Variants in KSR1 observed in about 807,000 individuals in gnomAD.
The protein encoded by KSR1 is kinase suppressor of ras.
A neutral mutation model predicts 92.9 loss-of-function variants in KSR1; 35 were observed. The ratio of observed to expected loss-of-function variants is 0.38; its 90% confidence interval spans 0.29 to 0.50. The LOEUF (loss-of-function observed/expected upper bound fraction) is 0.50. KSR1 is among the 20% of genes least tolerant of loss of function. The pLI is 0.94. For synonymous variants in KSR1, 467 were observed against 472.6 expected (o/e 0.99, Z 0.15); for missense variants, 972 against 1,158.5 (o/e 0.84, Z 2.34).
chr17:27,522,112 G>T (rs1276404480), intron 1 of KSR1, among the ~76,000 whole-genome samples: 3 of 152,180 alleles, frequency 2.0e-5, no homozygotes, highest in Non-Finnish European at 4.4e-5. Flanking sequence ...TTCAATAAAT[G>T]TTGTGGAGTG....
chr17:27,610,893 C>G (rs2073895886), intron 17 of KSR1, among the ~76,000 whole-genome samples: 1 of 152,110 alleles, frequency 6.6e-6, no homozygotes, highest in Admixed American at 6.6e-5. Context: ...CACTCAGTAG[C>G]CCCCCTGTGG....
intron 1 of KSR1, among the ~76,000 whole-genome samples, chr17:27,535,233 G>A (rs536382942): frequency 3.9e-5 from 6 of 152,220 alleles, no homozygotes; most frequent in Non-Finnish European, 8.8e-5. Context: ...TTACCCCTGA[G>A]CCTTGGTTTG....
chr17:27,499,307 CT>C (rs1371043538), intron 1 of KSR1, among the ~76,000 whole-genome samples: 3 of 152,122 alleles, frequency 2.0e-5, no homozygotes, highest in Non-Finnish European at 4.4e-5. Flanking sequence ...AAGTCCACCC[CT>C]AGGACTTATT....
At chr17:27,457,229 G>C (rs1021920664) in intron 1 of KSR1, among the ~76,000 whole-genome samples, 14 of 151,854 alleles carry the variant, frequency 9.2e-5, no homozygotes, top group Non-Finnish European at 1.0e-4. Context: ...ACTTTTCCCC[G>C]TGTGACTGAG....
intron 2 of KSR1, among the ~76,000 whole-genome samples, chr17:27,572,894 G>A (rs922627324): frequency 6.6e-6 from 1 of 152,156 alleles, no homozygotes; most frequent in African/African-American, 2.4e-5. Context: ...TCACAGCCAC[G>A]CGACCGTCCT....
chr17:27,609,131 A>T lies in KSR1; in HGVS notation c.2092-65A>T. ...TCAAATATGGGGATTTAGGTAAATC[A>T]TCCAGCCCAGGGTGGCACCTCCGTC... On this transcript the variant is annotated intron_variant, in intron 15 of 20. Coordinates refer to ENST00000644974, the MANE Select transcript of KSR1 (RefSeq NM_001394583.1). The T allele has an allele frequency of 2.6e-6, 4 of 1,540,494 alleles. No homozygotes were observed. The South Asian group carries it at 4.8e-5, about 18-fold the overall frequency.
intron 1 of KSR1, among the ~76,000 whole-genome samples, chr17:27,542,063 A>C (rs1470332120): frequency 6.6e-6 from 1 of 152,138 alleles, no homozygotes; most frequent in East Asian, 1.9e-4. Flanking sequence ...TTGTGGAGGG[A>C]ATGATGTGCT....
chr17:27,599,387 A>G (rs1413082204), intron 10 of KSR1, among the ~76,000 whole-genome samples: 2 of 152,136 alleles, frequency 1.3e-5, no homozygotes, highest in African/African-American at 4.8e-5. Flanking sequence ...GTGAAACCCC[A>G]TCTCTACTAA....
intron 5 of KSR1, chr17:27,585,883 C>G (rs2072949128): frequency 1.7e-6 from 1 of 602,032 alleles, no homozygotes; most frequent in African/African-American, 1.8e-5. Context: ...CTCTGAGAAT[C>G]AGAGACCTTG....
rs190064259 is a variant in KSR1, at chr17:27,537,153, A to G, written c.232-13415A>G. ...ACTCTGGGAAACTGAGTCATCATGTATCTTCCTAAGTGCAGTGGTGCAGCT... is the reference window on the plus strand; with the variant it reads ...ACTCTGGGAAACTGAGTCATCATGTGTCTTCCTAAGTGCAGTGGTGCAGCT... On this transcript the variant is annotated intron_variant, in intron 1 of 20. Coordinates refer to ENST00000644974, the MANE Select transcript of KSR1 (RefSeq NM_001394583.1). Among the ~76,000 whole-genome samples the G allele has an allele frequency of 2.6e-4, 39 of 152,372 alleles. No homozygotes were observed. The East Asian group carries it at 6.9e-3, about 27-fold the overall frequency.
chr17:27,533,508 C>T (rs923940955), intron 1 of KSR1, among the ~76,000 whole-genome samples: 7 of 151,960 alleles, frequency 4.6e-5, no homozygotes, highest in Admixed American at 3.9e-4. Context: ...CTCAGCCTCC[C>T]GAGTAGCTGG....
intron 3 of KSR1, among the ~76,000 whole-genome samples, chr17:27,581,308 A>T (rs1251982238): frequency 6.6e-6 from 1 of 152,098 alleles, no homozygotes; most frequent in Non-Finnish European, 1.5e-5. Context: ...ACCAGCCCCC[A>T]CCTCCAACAT....
intron 14 of KSR1, among the ~76,000 whole-genome samples, chr17:27,607,056 T>G (rs1382175722): frequency 6.6e-6 from 1 of 152,126 alleles, no homozygotes; most frequent in African/African-American, 2.4e-5. Flanking sequence ...GGTCTCAAAC[T>G]CTTGACCTGA....
At position 27,605,421 on chromosome 17, in the gene KSR1, G is replaced by T; in HGVS notation, c.1615-13G>T. 6.2e-7 allele frequency: 1 copy of T among 1,605,356 alleles called. No individual in the cohort carries two copies. Among genetic ancestry groups the T allele is most frequent in the African/African-American group, 1.3e-5 (1 of 74,884 alleles). On this transcript the variant is annotated splice_polypyrimidine_tract_variant and intron_variant, in intron 13 of 20. Coordinates refer to ENST00000644974, the MANE Select transcript of KSR1 (RefSeq NM_001394583.1). ...TCTGCTGCCCATCCCTGTTCTTCCT[G>T]CTCTCCTTTCAGGCTGAGGAGCCAG...
intron 10 of KSR1, among the ~76,000 whole-genome samples, chr17:27,598,700 C>T (rs907087878): frequency 3.9e-5 from 6 of 152,322 alleles, no homozygotes; most frequent in East Asian, 1.9e-4. Context: ...GTTTGGAACA[C>T]GGCAGTCACA....
intron 1 of KSR1, among the ~76,000 whole-genome samples, chr17:27,532,853 T>G (rs1385714586): frequency 1.3e-5 from 2 of 152,128 alleles, no homozygotes; most frequent in Non-Finnish European, 2.9e-5. Flanking sequence ...TGGAGCACAG[T>G]GGGAAAGGTC....
intron 1 of KSR1, among the ~76,000 whole-genome samples, chr17:27,476,143 C>T (rs1366906793): frequency 1.3e-5 from 2 of 152,216 alleles, no homozygotes; most frequent in Non-Finnish European, 2.9e-5. Flanking sequence ...CTGGACTGCA[C>T]GGCTCCTGCC....
chr17:27,534,709 G>A (rs2070694809), intron 1 of KSR1, among the ~76,000 whole-genome samples: 1 of 152,230 alleles, frequency 6.6e-6, no homozygotes. Flanking sequence ...TGTGAGTCCA[G>A]TTACAGCTGT....
chr17:27,532,713 C>T (rs1008880205), intron 1 of KSR1, among the ~76,000 whole-genome samples: 7 of 152,162 alleles, frequency 4.6e-5, no homozygotes, highest in African/African-American at 1.7e-4. Flanking sequence ...CTCTCCCAGG[C>T]GCTGCTTTTC....
Sources: allele counts gnomAD v4.1 joint callset (sites outside exome capture counted in the v4.1 genomes callset), GRCh38; gene constraint gnomAD v4.1.1; transcripts MANE v1.5; gene names NCBI Gene and HGNC (gene_info 2026-07-23, HGNC 2026-07-21).